DOCK9: variants seen among roughly 807,000 people sequenced by gnomAD.
DOCK9 encodes the protein dedicator of cytokinesis 9.
A neutral mutation model predicts 263.3 loss-of-function variants in DOCK9; 89 were observed. That is an observed-to-expected ratio of 0.34 (90% CI 0.28 to 0.40). DOCK9 has a LOEUF of 0.40. Among genes scored for constraint, DOCK9 ranks in the 10% least tolerant of loss-of-function variants. DOCK9 has a pLI of 1.00. For synonymous variants in DOCK9, 976 were observed against 973.1 expected (o/e 1.00, Z -0.06); for missense variants, 2,140 against 2,603.4 (o/e 0.82, Z 3.87).
intron 23 of DOCK9, among the ~76,000 whole-genome samples, chr13:98,882,757 G>C (rs540286829): frequency 6.6e-6 from 1 of 152,298 alleles, no homozygotes; most frequent in East Asian, 1.9e-4. Context: ...CACTGTGCTC[G>C]GTACCCAGGG....
At chr13:99,076,179 T>C (rs1282463626) in intron 1 of DOCK9, among the ~76,000 whole-genome samples, 1 of 152,204 alleles carries the variant, frequency 6.6e-6, no homozygotes, top group Non-Finnish European at 1.5e-5. Context: ...GTAAAAGATA[T>C]AATGTCACCA....
chr13:99,075,347 C>T (rs1215423669), intron 1 of DOCK9, among the ~76,000 whole-genome samples: 1 of 143,174 alleles, frequency 7.0e-6, no homozygotes, highest in Non-Finnish European at 1.5e-5. Flanking sequence ...CAAAGGTCAG[C>T]TGTAGTACTT....
chr13:98,899,381 C>G (rs1006443731), intron 13 of DOCK9, among the ~76,000 whole-genome samples: 1 of 152,190 alleles, frequency 6.6e-6, no homozygotes. Flanking sequence ...ACTATCCACA[C>G]CTGAAAATGG....
At chr13:98,885,173 G>A (rs1285775397) in intron 20 of DOCK9, 81 bp from the exon 21 acceptor site, 24 of 1,549,274 alleles carry the variant, frequency 1.5e-5, no homozygotes, top group Middle Eastern at 3.6e-4. Flanking sequence ...ATGTAAAACC[G>A]TCTGATTTTT....
At chr13:98,950,310 G>C in intron 2 of DOCK9, 1 of 789,402 alleles carries the variant, frequency 1.3e-6, no homozygotes, top group Non-Finnish European at 2.1e-6. Context: ...GCTTAAACCT[G>C]AGCTGTTTTC....
intron 2 of DOCK9, among the ~76,000 whole-genome samples, chr13:98,948,944 T>C (rs1466080951): frequency 6.6e-6 from 1 of 152,208 alleles, no homozygotes; most frequent in Non-Finnish European, 1.5e-5. Flanking sequence ...TCTTTCTCCA[T>C]TTATCCCTCG....
intron 15 of DOCK9, among the ~76,000 whole-genome samples, chr13:98,895,220 A>G (rs1033822084): frequency 1.3e-5 from 2 of 151,948 alleles, no homozygotes; most frequent in Non-Finnish European, 2.9e-5. Context: ...CTATTATAAT[A>G]TTTATGCATT....
Position 98,829,866 on chromosome 13 carries a change from G to A in DOCK9, c.4636-110C>T. 1.1e-6 allele frequency: 1 copy of A among 894,546 alleles called. No homozygotes were observed. Among genetic ancestry groups the A allele is most frequent in the East Asian group, 2.7e-5 (1 of 37,724 alleles). The allele number at this position is 894,546 out of a possible 1,614,324, so 55.4% of individuals were successfully genotyped here. A position where few individuals can be genotyped will look rare whatever the true frequency, so the allele number is the denominator to read the frequency against. ...TAAGGACCCAGCAAAGTGGGGGTTG[G>A]GGGGTGCTTTGAGCAGGGGTCGCTC... On this transcript the variant is annotated intron_variant, in intron 41 of 52. Coordinates refer to ENST00000682017, the MANE Select transcript of DOCK9 (RefSeq NM_001366683.2). This position sits in a 1 kb window ranked among gnomAD's most constrained non-coding sequence, Gnocchi z 4.1.
intron 38 of DOCK9, among the ~76,000 whole-genome samples, chr13:98,841,616 A>ATTTT (rs763770697): frequency 2.2e-5 from 3 of 137,364 alleles, no homozygotes; most frequent in Non-Finnish European, 3.2e-5. Context: ...TATGAACAAA[A>ATTTT]TTTTTTTTTT....
At position 98,810,297 on chromosome 13, in the gene DOCK9, C is replaced by G; in HGVS notation, c.5131-6G>C. 2 of 1,613,050 alleles carry G rather than the reference C, an allele frequency of 1.2e-6. No individual in the cohort carries two copies. The highest frequency in any genetic ancestry group is 1.7e-6 in the Non-Finnish European group (2 of 1,179,848). On this transcript the variant is annotated splice_polypyrimidine_tract_variant and splice_region_variant and intron_variant, in intron 45 of 52. Coordinates refer to ENST00000682017, the MANE Select transcript of DOCK9 (RefSeq NM_001366683.2). ...AGGAGCTCCATCAGCACATCCTGAT[C>G]AAAGAGGAGGGCCAACAGCAAGAGA...
chr13:99,055,188 T>C (rs1230065171), intron 1 of DOCK9, among the ~76,000 whole-genome samples: 1 of 152,224 alleles, frequency 6.6e-6, no homozygotes, highest in Non-Finnish European at 1.5e-5. Flanking sequence ...CCTTATACTA[T>C]CCTTGACTTT....
At chr13:99,019,633 T>TG (rs1885837661) in intron 1 of DOCK9, among the ~76,000 whole-genome samples, 1 of 152,204 alleles carries the variant, frequency 6.6e-6, no homozygotes, top group Non-Finnish European at 1.5e-5. Context: ...TAGGACCTCT[T>TG]GGGAGCTGTC....
intron 6 of DOCK9, 151 bp downstream of exon 6, chr13:98,921,900 G>C (rs945986399): frequency 2.7e-4 from 175 of 654,150 alleles, no homozygotes; most frequent in Admixed American, 8.8e-4. Flanking sequence ...TGTGCCAATG[G>C]GGGTGCTATC....
At chr13:98,803,583 C>A (rs952358908) in intron 49 of DOCK9, among the ~76,000 whole-genome samples, 2 of 152,178 alleles carry the variant, frequency 1.3e-5, no homozygotes, top group Non-Finnish European at 2.9e-5. Context: ...CCTGGACCAA[C>A]CTTGGGTAAC....
At chr13:98,934,371 A>G (rs2054473770) in intron 2 of DOCK9, among the ~76,000 whole-genome samples, 1 of 152,200 alleles carries the variant, frequency 6.6e-6, no homozygotes, top group African/African-American at 2.4e-5. Context: ...GGTCTCGGCC[A>G]TTGCAGGCGA....
At chr13:99,077,131 A>C (rs748495437) in intron 1 of DOCK9, among the ~76,000 whole-genome samples, 1 of 152,186 alleles carries the variant, frequency 6.6e-6, no homozygotes, top group Non-Finnish European at 1.5e-5. Context: ...TTTGTATCCC[A>C]AGGGCAATGG....
chr13:98,940,594 T>C (rs2055660970), intron 2 of DOCK9, among the ~76,000 whole-genome samples: 2 of 152,194 alleles, frequency 1.3e-5, no homozygotes, highest in Non-Finnish European at 2.9e-5. Context: ...CAGAGAATTA[T>C]ACATTTCTCA....
At position 98,816,596 on chromosome 13, in the gene DOCK9, G is replaced by A. The variant is rs1183943903; in HGVS notation, c.5131-6305C>T. Among the ~76,000 whole-genome samples the A allele has an allele frequency of 3.3e-5, 5 of 152,152 alleles. No individual in the cohort carries two copies. In the South Asian group the frequency reaches 1.0e-3, roughly 32 times the overall value. Reference sequence around the variant, plus strand: ...ATGGTAAAAGATGGCGGGAGTGCACGAATAACGAAATGTGCAGGGAGGCGG... The same window carrying A: ...ATGGTAAAAGATGGCGGGAGTGCACAAATAACGAAATGTGCAGGGAGGCGG... On this transcript the variant is annotated intron_variant, in intron 45 of 52. Coordinates refer to ENST00000682017, the MANE Select transcript of DOCK9 (RefSeq NM_001366683.2).
intron 15 of DOCK9, among the ~76,000 whole-genome samples, chr13:98,890,101 T>G (rs1462209499): frequency 6.6e-6 from 1 of 152,234 alleles, no homozygotes; most frequent in Non-Finnish European, 1.5e-5. Context: ...GAGCTATTTC[T>G]AGTTTATCAA....
Sources: allele counts gnomAD v4.1 joint callset (sites outside exome capture counted in the v4.1 genomes callset), GRCh38; gene constraint gnomAD v4.1.1; non-coding constraint Gnocchi (gnomAD v3.1); transcripts MANE v1.5; gene names NCBI Gene and HGNC (gene_info 2026-07-23, HGNC 2026-07-21).